Variants in GRM1 observed in about 807,000 individuals in gnomAD.
The protein encoded by GRM1 is metabotropic glutamate receptor 1.
Under a neutral mutation model 90.9 loss-of-function variants are expected in GRM1, and 33 were observed. The observed-to-expected ratio is 0.36, with a 90% CI of 0.28 to 0.49. The LOEUF is 0.49. Among genes scored for constraint, GRM1 ranks in the 20% least tolerant of loss-of-function variants. GRM1 has a pLI of 0.99. For missense variants in GRM1, 1,190 were observed against 1,534.3 expected (o/e 0.78, Z 3.75); for synonymous variants, 700 against 613.2 (o/e 1.14, Z -2.09).
intron 3 of GRM1, among the ~76,000 whole-genome samples, chr6:146,336,237 T>A (rs933694581): frequency 6.6e-6 from 1 of 152,108 alleles, no homozygotes; most frequent in African/African-American, 2.4e-5. Context: ...CATCCATTCT[T>A]TCTTAAATTG....
At chr6:146,250,148 T>C (rs952432045) in intron 2 of GRM1, among the ~76,000 whole-genome samples, 4 of 152,150 alleles carry the variant, frequency 2.6e-5, no homozygotes, top group African/African-American at 9.7e-5. Flanking sequence ...TTGTCATAGG[T>C]GAGACTTTGG....
intron 3 of GRM1, among the ~76,000 whole-genome samples, chr6:146,343,263 A>T (rs1009677007): frequency 2.6e-5 from 4 of 152,186 alleles, no homozygotes; most frequent in Admixed American, 6.5e-5. Context: ...GTTAACATTG[A>T]TCACTCAGCT....
intron 7 of GRM1, among the ~76,000 whole-genome samples, chr6:146,404,458 C>T (rs1777265968): frequency 6.6e-6 from 1 of 151,974 alleles, no homozygotes; most frequent in Non-Finnish European, 1.5e-5. Context: ...ATTCTCAGTG[C>T]CCAGGGAAGA....
In GRM1 at chr6:146,304,596, C is replaced by G. The variant is rs754573273; in HGVS notation, c.951-15C>G. On this transcript the variant is annotated splice_polypyrimidine_tract_variant and intron_variant, in intron 2 of 7. Coordinates refer to ENST00000282753, the MANE Select transcript of GRM1 (RefSeq NM_001278064.2). The stretch of plus-strand genomic sequence containing the variant: ...TGTCTTTCTCTCTCCCTACCCCAAT[C>G]CCTGCATTTTTTAGTGATGGATGGG... The G allele has an allele frequency of 7.8e-6, 12 of 1,542,744 alleles. No individual in the cohort carries two copies. The Admixed American group carries it at 1.7e-4, about 22-fold the overall frequency.
chr6:146,233,580 G>A (rs1201040292), intron 2 of GRM1, among the ~76,000 whole-genome samples: 1 of 152,028 alleles, frequency 6.6e-6, no homozygotes, highest in African/African-American at 2.4e-5. Flanking sequence ...AAAGGGTGTT[G>A]TTTAATTTGG....
chr6:146,260,479 A>T (rs1015347017), intron 2 of GRM1, among the ~76,000 whole-genome samples: 2 of 152,112 alleles, frequency 1.3e-5, no homozygotes, highest in Non-Finnish European at 2.9e-5. Flanking sequence ...CATGTGTTTT[A>T]TAGTAGAATG....
intron 1 of GRM1, among the ~76,000 whole-genome samples, chr6:146,099,487 C>A (rs953024441): frequency 6.6e-6 from 1 of 152,222 alleles, no homozygotes; most frequent in African/African-American, 2.4e-5. Flanking sequence ...TAGCCAAGCA[C>A]AAGCATCTCC....
chr6:146,433,152 G>C (rs1368945764), intron 7 of GRM1, among the ~76,000 whole-genome samples: 1 of 152,132 alleles, frequency 6.6e-6, no homozygotes, highest in Non-Finnish European at 1.5e-5. Flanking sequence ...TCCCAAACCA[G>C]CTTCTGTGAG....
At chr6:146,224,221 T>G (rs1189732358) in intron 2 of GRM1, among the ~76,000 whole-genome samples, 1 of 152,252 alleles carries the variant, frequency 6.6e-6, no homozygotes, top group South Asian at 2.1e-4. Flanking sequence ...TCAGAAAATA[T>G]CCATTAAATA....
rs137867678 is a variant in GRM1, at chr6:146,434,527, C to T, written c.3316C>T (p.Leu1106Phe). 3 of 1,614,134 alleles carry T rather than the reference C, an allele frequency of 1.9e-6. No individual in the cohort carries two copies. The highest frequency in any genetic ancestry group is 2.5e-6 in the Non-Finnish European group (3 of 1,180,008). Reference protein sequence around the residue: ...DDDDSERFKLLQEYVYEHERE... With the variant: ...DDDDSERFKLFQEYVYEHERE... ...CGACGACAGCGAGAGGTTTAAGCTC[C>T]TCCAGGAGTACGTGTATGAGCACGA... Residue 1106 changes from leucine (L) to phenylalanine (F), a missense_variant, in exon 8 of 8, where the codon CTC becomes TTC. By Grantham distance (22) the Leu-to-Phe change is conservative (BLOSUM62 0). Around this residue, in one of 10 missense-constraint regions of GRM1, gnomAD observed 400 missense variants for 360.8 expected, o/e 1.11. Coordinates refer to ENST00000282753, the MANE Select transcript of GRM1 (RefSeq NM_001278064.2).
At chr6:146,428,282 T>C (rs1020318545) in intron 7 of GRM1, among the ~76,000 whole-genome samples, 7 of 152,192 alleles carry the variant, frequency 4.6e-5, no homozygotes, top group Non-Finnish European at 8.8e-5. Context: ...TTTTTGTGAA[T>C]AGGCAAGGCA....
chr6:146,245,192 G>A (rs769087355), intron 2 of GRM1, among the ~76,000 whole-genome samples: 6 of 152,096 alleles, frequency 3.9e-5, no homozygotes, highest in Non-Finnish European at 7.4e-5. Context: ...ATAAAATAAA[G>A]ATAAAAAATT....
chr6:146,175,975 A>T (rs1046527611), intron 2 of GRM1, among the ~76,000 whole-genome samples: 7 of 152,108 alleles, frequency 4.6e-5, no homozygotes, highest in Admixed American at 4.6e-4. Context: ...AGAGAGACAA[A>T]AATTCACTAA....
In GRM1 at chr6:146,126,029, A is replaced by G. The variant is rs866638123; in HGVS notation, c.701-33319A>G. ...TATATTTCTATTCATTTCTAGTTAC[A>G]GCCAGAAACTAGAGAAAAATGATTT... On this transcript the variant is annotated intron_variant, in intron 1 of 7. Transcript: ENST00000282753. 3.3e-5 allele frequency among the ~76,000 whole-genome samples: 5 copies of G among 152,192 alleles called. No individual in the cohort carries two copies. The Middle Eastern group carries it at 0.01, about 313-fold the overall frequency.
chr6:146,134,739 A>G (rs1056857135), intron 1 of GRM1, among the ~76,000 whole-genome samples: 4 of 152,008 alleles, frequency 2.6e-5, no homozygotes, highest in Non-Finnish European at 4.4e-5. Flanking sequence ...GACCATCCTG[A>G]CTACCACAGT....
intron 7 of GRM1, among the ~76,000 whole-genome samples, chr6:146,415,962 A>G (rs1562684248): frequency 6.6e-6 from 1 of 152,206 alleles, no homozygotes; most frequent in Non-Finnish European, 1.5e-5. Context: ...CTCTATATAG[A>G]CTACTAGAAA....
chr6:146,158,810 T>G (rs1777608963), intron 1 of GRM1, among the ~76,000 whole-genome samples: 1 of 152,192 alleles, frequency 6.6e-6, no homozygotes, highest in Admixed American at 6.5e-5. Flanking sequence ...GGATGGTGGA[T>G]TTTGACAAAG....
intron 1 of GRM1, among the ~76,000 whole-genome samples, chr6:146,120,905 TG>T (rs1231812046): frequency 1.3e-5 from 2 of 152,168 alleles, no homozygotes; most frequent in East Asian, 3.9e-4. Flanking sequence ...TCTCTTTTTT[TG>T]TTTTGTCTGT....
chr6:146,394,163 A>T (rs574197787), intron 6 of GRM1, among the ~76,000 whole-genome samples: 1 of 152,230 alleles, frequency 6.6e-6, no homozygotes, highest in Non-Finnish European at 1.5e-5. Flanking sequence ...TAAAAACTCT[A>T]GAAGAAAACC....
Sources: gnomAD v4.1 joint callset for allele counts (sites outside exome capture counted in the v4.1 genomes callset) on GRCh38, gnomAD v4.1.1 for gene constraint, gnomAD v4.1.1 regional missense constraint, MANE v1.5 for transcripts, NCBI Gene and HGNC (gene_info 2026-07-23, HGNC 2026-07-21) for gene names.